Variants in EPHA3 observed in about 807,000 individuals in gnomAD.
The protein encoded by EPHA3 is ephrin type-A receptor 3.
Under a neutral mutation model 107.1 loss-of-function variants are expected in EPHA3, and 42 were observed. The ratio of observed to expected loss-of-function variants is 0.39; its 90% CI spans 0.31 to 0.51. EPHA3 has a LOEUF of 0.51. Ranked by LOEUF, EPHA3 falls within the 20% of genes least tolerant of loss-of-function variation. The pLI, the probability that EPHA3 is intolerant of heterozygous loss-of-function variation, is 0.78. For missense variants in EPHA3, 1,183 were observed against 1,211.2 expected (o/e 0.98, Z 0.35); for synonymous variants, 461 against 424.8 (o/e 1.09, Z -1.05).
intron 7 of EPHA3, among the ~76,000 whole-genome samples, chr3:89,404,527 G>A (rs1189747442): frequency 6.6e-6 from 1 of 152,042 alleles, no homozygotes; most frequent in Non-Finnish European, 1.5e-5. Flanking sequence ...AACAGAGGGA[G>A]CAGAAAACAA....
chr3:89,184,480 G>T (rs1348186645), intron 2 of EPHA3, among the ~76,000 whole-genome samples: 1 of 152,014 alleles, frequency 6.6e-6, no homozygotes, highest in African/African-American at 2.4e-5. Flanking sequence ...TATGCCATAA[G>T]TGATTCTACT....
chr3:89,477,284 A>G (rs1035675157), intron 16 of EPHA3, among the ~76,000 whole-genome samples: 10 of 152,152 alleles, frequency 6.6e-5, no homozygotes, highest in Admixed American at 3.9e-4. Context: ...TTCCTGAGAA[A>G]GAGTATGATC....
intron 2 of EPHA3, among the ~76,000 whole-genome samples, chr3:89,165,537 C>T (rs1214499561): frequency 1.3e-5 from 2 of 152,256 alleles, no homozygotes; most frequent in South Asian, 2.1e-4. Context: ...TCTTCTGTGC[C>T]TTTCCTCTTT....
chr3:89,133,899 T>G (rs973804621), intron 2 of EPHA3, among the ~76,000 whole-genome samples: 3 of 152,168 alleles, frequency 2.0e-5, no homozygotes, highest in African/African-American at 7.2e-5. Context: ...TGGAGCTTCT[T>G]CTTGGTCGAG....
intron 1 of EPHA3, among the ~76,000 whole-genome samples, chr3:89,114,576 C>T (rs1175144092): frequency 6.6e-6 from 1 of 152,180 alleles, no homozygotes; most frequent in East Asian, 1.9e-4. Context: ...AGTCAGTTCC[C>T]GGAGCGCGAC....
At chr3:89,277,930 T>G (rs1319852658) in intron 3 of EPHA3, among the ~76,000 whole-genome samples, 2 of 152,182 alleles carry the variant, frequency 1.3e-5, no homozygotes, top group Non-Finnish European at 2.9e-5. Flanking sequence ...CTCTTACTTC[T>G]CATACCAGAG....
At chr3:89,124,365 A>C (rs1035248086) in intron 1 of EPHA3, among the ~76,000 whole-genome samples, 48 of 152,278 alleles carry the variant, frequency 3.2e-4, no homozygotes, top group African/African-American at 1.1e-3. Flanking sequence ...CTGTATACTC[A>C]AACAGTTCTA....
rs1446740557 is a variant in EPHA3, at chr3:89,396,056, A to G, written c.1431+95A>G. 6 of 1,518,112 alleles carry G rather than the reference A, an allele frequency of 4.0e-6. No individual in the cohort carries two copies. The African/African-American group carries it at 4.1e-5, about 10-fold the overall frequency. 94.0% of individuals were successfully genotyped at this position (1,518,112 alleles called of 1,614,324 possible). Reference sequence around the variant, plus strand: ...CAAAGAAACCAGTGACATTCCTGGTAAATGGTAGAGCACTGTTTAGAACTG... The same window carrying G: ...CAAAGAAACCAGTGACATTCCTGGTGAATGGTAGAGCACTGTTTAGAACTG... On this transcript the variant is annotated intron_variant, in intron 6 of 16. Coordinates refer to ENST00000336596, the MANE Select transcript of EPHA3 (RefSeq NM_005233.6).
intron 5 of EPHA3, among the ~76,000 whole-genome samples, chr3:89,372,464 GA>G (rs550340627): frequency 6.2e-4 from 89 of 144,318 alleles, no homozygotes; most frequent in Middle Eastern, 3.4e-3. Context: ...CCTTCTAATT[GA>G]AAAAAAAAAA....
intron 3 of EPHA3, among the ~76,000 whole-genome samples, chr3:89,252,558 C>G (rs1371156710): frequency 6.6e-6 from 1 of 151,952 alleles, no homozygotes; most frequent in African/African-American, 2.4e-5. Context: ...AGGGAGATTC[C>G]ATCTCTACAA....
At chr3:89,443,460 T>A (rs1235471426) in intron 13 of EPHA3, among the ~76,000 whole-genome samples, 1 of 152,178 alleles carries the variant, frequency 6.6e-6, no homozygotes, top group Non-Finnish European at 1.5e-5. Flanking sequence ...TAGAAAGCAG[T>A]ATGATTTAAG....
chr3:89,400,677 T>C (rs1221048750), intron 7 of EPHA3, among the ~76,000 whole-genome samples: 1 of 151,924 alleles, frequency 6.6e-6, no homozygotes, highest in Non-Finnish European at 1.5e-5. Context: ...AATCATAATA[T>C]GCTAAAAATG....
chr3:89,230,371 G>A (rs1704600807), intron 3 of EPHA3, among the ~76,000 whole-genome samples: 1 of 152,108 alleles, frequency 6.6e-6, no homozygotes, highest in Non-Finnish European at 1.5e-5. Context: ...TTGTTGGAAT[G>A]TATTGGAATG....
chr3:89,456,963 A>T (rs1710109711), intron 15 of EPHA3, among the ~76,000 whole-genome samples: 1 of 152,192 alleles, frequency 6.6e-6, no homozygotes, highest in South Asian at 2.1e-4. Flanking sequence ...GGAAGAAAAA[A>T]GAATATTTAG....
intron 10 of EPHA3, among the ~76,000 whole-genome samples, chr3:89,414,637 GTTGAGAGGAGGAAAAGGTTACTTA>G (rs1709213573): frequency 6.6e-6 from 1 of 151,616 alleles, no homozygotes; most frequent in South Asian, 2.1e-4. Context: ...TGGAGAATAT[GTTGAGAGGAGGAAAAGGTTACTTA>G]TGCTAAGCCA....
At chr3:89,192,453 T>C (rs1176042930) in intron 2 of EPHA3, among the ~76,000 whole-genome samples, 1 of 151,834 alleles carries the variant, frequency 6.6e-6, no homozygotes, top group East Asian at 1.9e-4. Flanking sequence ...AGGTAAAATA[T>C]ACTATATATA....
intron 3 of EPHA3, among the ~76,000 whole-genome samples, chr3:89,242,360 G>A: frequency 6.6e-6 from 1 of 152,198 alleles, no homozygotes; most frequent in South Asian, 2.1e-4. Context: ...GTTTCAGTGT[G>A]AATACAATGT....
chr3:89,147,764 C>G (rs1157825548), intron 2 of EPHA3, among the ~76,000 whole-genome samples: 1 of 151,746 alleles, frequency 6.6e-6, no homozygotes, highest in East Asian at 1.9e-4. Flanking sequence ...TATAGGGCAT[C>G]AAAAGATGCT....
intron 3 of EPHA3, among the ~76,000 whole-genome samples, chr3:89,223,065 T>A (rs1370934604): frequency 6.6e-6 from 1 of 152,188 alleles, no homozygotes; most frequent in Non-Finnish European, 1.5e-5. Context: ...ATAATACAAC[T>A]CTTTAAAAAC....
Sources: gnomAD v4.1 joint callset for allele counts (sites outside exome capture counted in the v4.1 genomes callset) on GRCh38, gnomAD v4.1.1 for gene constraint, MANE v1.5 for transcripts, NCBI Gene and HGNC (gene_info 2026-07-23, HGNC 2026-07-21) for gene names.